MGAT4C: variants seen among roughly 807,000 people sequenced by gnomAD.
MGAT4C encodes the protein alpha-1,3-mannosyl-glycoprotein 4-beta-N-acetylglucosaminyltransferase C.
Under a neutral mutation model 40.1 loss-of-function variants are expected in MGAT4C, and 19 were observed. The ratio of observed to expected loss-of-function variants is 0.47; its 90% CI spans 0.33 to 0.70. The LOEUF (loss-of-function observed/expected upper bound fraction) is 0.70. Among genes scored for constraint, MGAT4C ranks in the 30% least tolerant of loss-of-function variants. The pLI is 0.02. For synonymous variants in MGAT4C, 181 were observed against 187.1 expected (o/e 0.97, Z 0.27); for missense variants, 491 against 563.2 (o/e 0.87, Z 1.30).
chr12:86,756,283 T>A (rs551456138), intron 1 of MGAT4C, among the ~76,000 whole-genome samples: 1 of 152,282 alleles, frequency 6.6e-6, no homozygotes, highest in East Asian at 1.9e-4. Flanking sequence ...GATAAAGTTC[T>A]CTGGTATCTC....
intron 2 of MGAT4C, among the ~76,000 whole-genome samples, chr12:86,455,919 T>C (rs894449965): frequency 6.6e-6 from 1 of 151,986 alleles, no homozygotes; most frequent in Non-Finnish European, 1.5e-5. Context: ...ACGCTTCTAA[T>C]GTTCAGAAAA....
chr12:86,412,287 C>A (rs1956622344), intron 3 of MGAT4C, among the ~76,000 whole-genome samples: 1 of 152,180 alleles, frequency 6.6e-6, no homozygotes. Context: ...CAGCAGCTTG[C>A]ACCATGCACC....
intron 1 of MGAT4C, among the ~76,000 whole-genome samples, chr12:86,210,633 C>A (rs1292847746): frequency 2.6e-5 from 4 of 152,192 alleles, no homozygotes; most frequent in Non-Finnish European, 5.9e-5. Context: ...ATACCTCATA[C>A]ACAATCATCA....
intron 3 of MGAT4C, among the ~76,000 whole-genome samples, chr12:86,366,904 T>C (rs1213827317): frequency 6.6e-6 from 1 of 152,142 alleles, no homozygotes; most frequent in Admixed American, 6.5e-5. Context: ...AAAATGTATT[T>C]ATAAAAATTA....
intron 3 of MGAT4C, among the ~76,000 whole-genome samples, chr12:86,341,780 C>A (rs1450433437): frequency 6.6e-6 from 1 of 152,178 alleles, no homozygotes; most frequent in Non-Finnish European, 1.5e-5. Flanking sequence ...AGCAGGCACT[C>A]AATCCTGGGC....
chr12:86,578,896 C>T (rs982524201), intron 2 of MGAT4C, among the ~76,000 whole-genome samples: 1 of 151,042 alleles, frequency 6.6e-6, no homozygotes, highest in Non-Finnish European at 1.5e-5. Flanking sequence ...TTTTGCTTTG[C>T]TGTTGCTTTT....
At chr12:86,327,313 A>T (rs949712545) in intron 4 of MGAT4C, among the ~76,000 whole-genome samples, 5 of 151,904 alleles carry the variant, frequency 3.3e-5, no homozygotes, top group African/African-American at 1.2e-4. Flanking sequence ...TGGATTTTTT[A>T]ATTTTTTTAT....
intron 3 of MGAT4C, among the ~76,000 whole-genome samples, chr12:86,353,233 A>C (rs990547119): frequency 1.3e-5 from 2 of 152,056 alleles, no homozygotes; most frequent in Non-Finnish European, 2.9e-5. Context: ...GACTTTTTAA[A>C]ATGTATGATA....
intron 1 of MGAT4C, among the ~76,000 whole-genome samples, chr12:86,120,007 T>A (rs1376444339): frequency 2.0e-5 from 3 of 151,850 alleles, no homozygotes; most frequent in African/African-American, 7.2e-5. Context: ...ATTATTCAAA[T>A]CTTATTCAAA....
In MGAT4C at chr12:86,457,604, A is replaced by G. The variant is rs146334937; in HGVS notation, c.-228-22339T>C. Among the ~76,000 whole-genome samples the G allele has an allele frequency of 3.3e-3, 508 of 152,220 alleles. 3 individuals carry two copies. Among genetic ancestry groups the G allele is most frequent in the African/African-American group, 0.012 (491 of 41,558 alleles). ...TTTTTCATGTGGGAAGTTATTTTCA[A>G]TATAGTTTAGCTGAAATGTCATCTT... On this transcript the variant is annotated intron_variant, in intron 2 of 7. Coordinates refer to the MGAT4C transcript ENST00000548651.
intron 2 of MGAT4C, among the ~76,000 whole-genome samples, chr12:86,529,432 G>C (rs1214093377): frequency 1.3e-5 from 2 of 151,964 alleles, no homozygotes; most frequent in Admixed American, 1.3e-4. Context: ...TTGACAACTA[G>C]TTCTTTGTCT....
At chr12:86,010,205 C>G (rs1384126891) in intron 2 of MGAT4C, among the ~76,000 whole-genome samples, 1 of 152,038 alleles carries the variant, frequency 6.6e-6, no homozygotes, top group Non-Finnish European at 1.5e-5. Flanking sequence ...AAGTCACAGA[C>G]TATTATTTAA....
intron 1 of MGAT4C, among the ~76,000 whole-genome samples, chr12:86,105,362 C>A (rs1386973134): frequency 6.6e-6 from 1 of 152,078 alleles, no homozygotes; most frequent in Middle Eastern, 3.2e-3. Context: ...TCTTCCAAAA[C>A]CACATTAAGT....
At chr12:86,655,490 A>G (rs1963823754) in intron 2 of MGAT4C, among the ~76,000 whole-genome samples, 1 of 151,996 alleles carries the variant, frequency 6.6e-6, no homozygotes, top group Non-Finnish European at 1.5e-5. Context: ...CTTTCTTATC[A>G]TTCTTTCCTT....
At position 86,654,234 on chromosome 12, in the gene MGAT4C, T is replaced by C. The variant is rs181230210; in HGVS notation, c.-229+72975A>G. Among the ~76,000 whole-genome samples, 859 of 152,064 alleles carry C rather than the reference T, an allele frequency of 5.6e-3. 4 individuals carry two copies. The highest frequency in any genetic ancestry group is 9.0e-3 in the Non-Finnish European group (614 of 67,918). ...TTTTGATTCTCCGTTTAATTTACAC[T>C]GATTGCATCAGACAAGGAGGGTAAA... is the stretch of plus-strand genomic sequence containing the variant. On this transcript the variant is annotated intron_variant, in intron 2 of 7. Transcript: ENST00000548651.
intron 2 of MGAT4C, among the ~76,000 whole-genome samples, chr12:86,447,546 G>GTT (rs528848245): frequency 1.2e-3 from 185 of 151,280 alleles, no homozygotes; most frequent in African/African-American, 4.3e-3. Flanking sequence ...ATGAGTACCA[G>GTT]TTTTTTTTTA....
At chr12:86,814,921 T>A (rs868574063) in intron 1 of MGAT4C, among the ~76,000 whole-genome samples, 1 of 152,104 alleles carries the variant, frequency 6.6e-6, no homozygotes, top group African/African-American at 2.4e-5. Flanking sequence ...AATAAACTTT[T>A]ATTGTTTATA....
intron 2 of MGAT4C, among the ~76,000 whole-genome samples, chr12:86,504,369 T>C (rs953487690): frequency 2.0e-5 from 3 of 152,108 alleles, no homozygotes; most frequent in Non-Finnish European, 2.9e-5. Flanking sequence ...TCCATAGTAA[T>C]GAAAAACTAG....
intron 1 of MGAT4C, among the ~76,000 whole-genome samples, chr12:86,250,242 C>T (rs1952212133): frequency 6.6e-6 from 1 of 151,528 alleles, no homozygotes. Context: ...TTATCCTTTT[C>T]TATTTGTATC....
Sources: gnomAD v4.1 joint callset for allele counts (sites outside exome capture counted in the v4.1 genomes callset) on GRCh38, gnomAD v4.1.1 for gene constraint, MANE v1.5 for transcripts, NCBI Gene and HGNC (gene_info 2026-07-23, HGNC 2026-07-21) for gene names.